The following DYSF variants were observed in gnomAD, a reference collection of about 807,000 sequenced individuals.
DYSF encodes dysferlin.
DYSF carries 212 observed loss-of-function variants against 274.9 expected under a neutral mutation model. That is an observed-to-expected ratio of 0.77 (90% CI 0.69 to 0.86). The LOEUF (loss-of-function observed/expected upper bound fraction) is 0.86, where lower values mean the gene tolerates loss of function less well. Ranked by LOEUF, DYSF falls within the 40% of genes least tolerant of loss-of-function variation. DYSF has a pLI of 0.00. For synonymous variants in DYSF, 1,091 were observed against 1,078.7 expected, an observed-to-expected ratio of 1.01 and a Z score of -0.22; for missense variants, 2,666 against 2,783.2, an observed-to-expected ratio of 0.96 and a Z score of 0.95.
rs1208473819 is a variant in DYSF, at chr2:71,589,775, T to C, written c.3496+89T>C. On this transcript the variant is annotated intron_variant, in intron 31 of 55. Transcript: ENST00000410020. Reference sequence around the variant, plus strand: ...ATGGAGTTATACGATCAGATGTGTATGTGGGGCTCTGGGGAGCTGAGTCTC... The same window carrying C: ...ATGGAGTTATACGATCAGATGTGTACGTGGGGCTCTGGGGAGCTGAGTCTC... 4.7e-6 allele frequency: 6 copies of C among 1,286,586 alleles called. No individual in the cohort carries two copies. The East Asian group carries it at 6.9e-5, about 15-fold the overall frequency. 79.7% of individuals were successfully genotyped at this position (1,286,586 alleles called of 1,614,324 possible). A position where few individuals can be genotyped will look rare whatever the true frequency, so the allele number is the denominator to read the frequency against.
At chr2:71,516,015 G>A (rs934313685) in intron 8 of DYSF, among the ~76,000 whole-genome samples, 165 bp from the exon 9 acceptor site, 3 of 152,164 alleles carry the variant, frequency 2.0e-5, no homozygotes, top group Non-Finnish European at 4.4e-5. Flanking sequence ...GAGGCCAGGG[G>A]CAGATCACCC....
intron 42 of DYSF, among the ~76,000 whole-genome samples, chr2:71,647,709 A>G (rs1384926038): frequency 6.6e-6 from 1 of 152,260 alleles, no homozygotes; most frequent in Non-Finnish European, 1.5e-5. Flanking sequence ...CAGAAAGCCT[A>G]GCAAAAATAT....
intron 1 of DYSF, among the ~76,000 whole-genome samples, chr2:71,468,633 A>G (rs2081724793): frequency 6.6e-6 from 1 of 152,248 alleles, no homozygotes; most frequent in Non-Finnish European, 1.5e-5. Context: ...ACCATACAAT[A>G]GAATGTAACA....
At chr2:71,636,914 C>A (rs187329715) in intron 41 of DYSF, among the ~76,000 whole-genome samples, 1 of 152,052 alleles carries the variant, frequency 6.6e-6, no homozygotes, top group Admixed American at 6.5e-5. Context: ...CTCTGCAAGG[C>A]GAGGGGAGAT....
chr2:71,586,736 G>A (rs1414006492), intron 30 of DYSF, among the ~76,000 whole-genome samples: 1 of 152,090 alleles, frequency 6.6e-6, no homozygotes. Flanking sequence ...GTGGGGATGA[G>A]CACTGGCAGC....
intron 30 of DYSF, among the ~76,000 whole-genome samples, 167 bp from the exon 31 acceptor site, chr2:71,589,426 A>AT (rs1271506471): frequency 6.6e-6 from 1 of 152,076 alleles, no homozygotes; most frequent in Non-Finnish European, 1.5e-5. Flanking sequence ...GAGTCTGGTG[A>AT]TTTTTTAGGA....
chr2:71,563,169 C>T (rs757345698), intron 23 of DYSF, among the ~76,000 whole-genome samples: 1 of 152,228 alleles, frequency 6.6e-6, no homozygotes, highest in Non-Finnish European at 1.5e-5. Flanking sequence ...TTGAGAACCC[C>T]TGGTATAGTG....
rs1421293535 is a variant in DYSF, at chr2:71,669,130, T to C, written c.5565T>C (p.Ile1855=). The change falls in exon 50 of 56, where the codon ATT becomes ATC. Residue 1855 remains isoleucine, a synonymous_variant. Coordinates refer to ENST00000410020, the MANE Select transcript of DYSF (RefSeq NM_001130987.2). ...TCCCCAGGTTTTTCCTGCGTTGTAT[T>C]ATCTGGAATACCAGAGATGTGATCC... is the stretch of plus-strand genomic sequence containing the variant. ...RRARRFFLRC[I]IWNTRDVILD... 6.2e-7 allele frequency: 1 copy of C among 1,605,774 alleles called. No homozygotes were observed. Among genetic ancestry groups the C allele is most frequent in the Admixed American group, 1.7e-5 (1 of 58,868 alleles).
chr2:71,650,541 T>C (rs1413466246), intron 42 of DYSF, among the ~76,000 whole-genome samples: 1 of 152,154 alleles, frequency 6.6e-6, no homozygotes, highest in African/African-American at 2.4e-5. Context: ...AGGCTTGGCA[T>C]GATTAGTAAC....
chr2:71,613,490 C>T (rs971990515), intron 40 of DYSF, 80 bp downstream of exon 40: 14 of 1,202,920 alleles, frequency 1.2e-5, no homozygotes, highest in Non-Finnish European at 1.6e-5. Flanking sequence ...TCTCCCCTAC[C>T]CTTCATTATC....
chr2:71,667,661 G>T, intron 48 of DYSF, 146 bp downstream of exon 48: 1 of 1,284,262 alleles, frequency 7.8e-7, no homozygotes, highest in Non-Finnish European at 1.1e-6. Flanking sequence ...GTCTGAGTGC[G>T]GCCATGGTTG....
chr2:71,493,305 T>C lies in DYSF; in HGVS notation c.240-9909T>C, dbSNP rs146830248. The stretch of plus-strand genomic sequence containing the variant: ...CTCTCCCCCAGTGCGGGATTCAGCC[T>C]GTGGTCCATATTGAATTTAGTCATG... On this transcript the variant is annotated intron_variant, in intron 3 of 55. Coordinates refer to ENST00000410020, the MANE Select transcript of DYSF (RefSeq NM_001130987.2). 3.8e-3 allele frequency among the ~76,000 whole-genome samples: 573 copies of C among 152,338 alleles called. 8 individuals carry two copies. The highest frequency in any genetic ancestry group is 0.013 in the African/African-American group (552 of 41,588).
intron 41 of DYSF, among the ~76,000 whole-genome samples, chr2:71,637,938 G>T (rs1451382521): frequency 1.3e-5 from 2 of 152,166 alleles, no homozygotes; most frequent in Non-Finnish European, 2.9e-5. Flanking sequence ...GCCAGCTGGT[G>T]TGGCCGGGAG....
rs563567750 is a variant in DYSF at position 71,657,737 on chromosome 2, T to TCCATC, written c.4756-1140_4756-1139insCATCC. On this transcript the variant is annotated intron_variant, in intron 43 of 55. Coordinates refer to ENST00000410020, the MANE Select transcript of DYSF (RefSeq NM_001130987.2). ...AGCCCAAGCTGTACATTGGCCCCTTTCAGCCACGGTTGGAGCAGCTGGGAC... is the reference window on the plus strand; with the variant it reads ...AGCCCAAGCTGTACATTGGCCCCTTTCCATCCAGCCACGGTTGGAGCAGCTGGGAC... Among the ~76,000 whole-genome samples, 1,032 of 152,254 alleles carry TCCATC rather than the reference T, an allele frequency of 6.8e-3. 7 individuals are homozygous for TCCATC. Among genetic ancestry groups the TCCATC allele is most frequent in the Non-Finnish European group, 9.5e-3 (648 of 68,024 alleles).
chr2:71,549,372 G>T, intron 17 of DYSF: 1 of 1,612,490 alleles, frequency 6.2e-7, no homozygotes, highest in Non-Finnish European at 8.5e-7. Context: ...GTGCTGTCAA[G>T]CCTTCGAAAG....
intron 41 of DYSF, among the ~76,000 whole-genome samples, chr2:71,639,747 T>C (rs537124697): frequency 6.6e-6 from 1 of 152,316 alleles, no homozygotes; most frequent in East Asian, 1.9e-4. Context: ...AATTCTGGAA[T>C]AAGATTGCTG....
At chr2:71,609,666 G>A (rs1010065629) in intron 36 of DYSF, among the ~76,000 whole-genome samples, 1 of 152,228 alleles carries the variant, frequency 6.6e-6, no homozygotes, top group African/African-American at 2.4e-5. Context: ...AGGTGGCAGA[G>A]CTGGAACTAG....
intron 44 of DYSF, 150 bp downstream of exon 44, chr2:71,659,183 T>G (rs765711021): frequency 2.6e-5 from 30 of 1,168,526 alleles, no homozygotes; most frequent in Non-Finnish European, 3.7e-5. Flanking sequence ...TGGATGGAGT[T>G]GTGTTAAGGA....
At chr2:71,630,821 CAG>C (rs1187742896) in intron 41 of DYSF, among the ~76,000 whole-genome samples, 2 of 152,224 alleles carry the variant, frequency 1.3e-5, no homozygotes, top group Non-Finnish European at 2.9e-5. Flanking sequence ...GGACACCTGT[CAG>C]TGTTTACTCC....
Sources: gnomAD v4.1 joint callset for allele counts (sites outside exome capture counted in the v4.1 genomes callset) on GRCh38, gnomAD v4.1.1 for gene constraint, MANE v1.5 for transcripts, NCBI Gene and HGNC (gene_info 2026-07-23, HGNC 2026-07-21) for gene names.